Variants in CCDC149 observed in about 807,000 individuals in gnomAD.
The protein encoded by CCDC149 is coiled-coil domain containing 149, also known as coiled-coil domain-containing protein 149.
Under a neutral mutation model 59.9 loss-of-function variants are expected in CCDC149, and 45 were observed. The ratio of observed to expected loss-of-function variants is 0.75; its 90% CI spans 0.59 to 0.96. The LOEUF is 0.96. Among genes scored for constraint, CCDC149 ranks in the 40% least tolerant of loss-of-function variants. CCDC149 has a pLI of 0.00. For missense variants in CCDC149, 584 were observed against 664.7 expected, an observed-to-expected ratio of 0.88 and a Z score of 1.33; for synonymous variants, 245 against 260.6, an observed-to-expected ratio of 0.94 and a Z score of 0.58.
chr4:24,877,645 A>G (rs1012449587), intron 1 of CCDC149, among the ~76,000 whole-genome samples: 1 of 152,210 alleles, frequency 6.6e-6, no homozygotes, highest in Admixed American at 6.5e-5. Flanking sequence ...AACTTTTCCT[A>G]TGATTCAAAT....
chr4:24,886,807 C>T (rs60625858), intron 1 of CCDC149, among the ~76,000 whole-genome samples: 27,592 of 152,062 alleles, frequency 0.18, 2,616 homozygotes, highest in Non-Finnish European at 0.22. Context: ...GCCCTTGGTA[C>T]ACACCTACCA....
intron 1 of CCDC149, among the ~76,000 whole-genome samples, chr4:24,971,019 C>G (rs73250664): frequency 0.18 from 27,374 of 152,234 alleles, 3,314 homozygotes; most frequent in Non-Finnish European, 0.25. Context: ...ACTGAATGGC[C>G]TTTGACATAA....
At chr4:24,856,209 G>A (rs180761616) in intron 3 of CCDC149, among the ~76,000 whole-genome samples, 17 of 152,208 alleles carry the variant, frequency 1.1e-4, no homozygotes, top group Admixed American at 8.5e-4. Context: ...CTTTATTGTT[G>A]ATTATTTGTT....
intron 1 of CCDC149, among the ~76,000 whole-genome samples, chr4:24,956,896 A>G (rs1420095548): frequency 6.6e-6 from 1 of 152,222 alleles, no homozygotes; most frequent in African/African-American, 2.4e-5. Flanking sequence ...TTTAGCTTGA[A>G]TGGGGCCCAG....
chr4:24,928,253 A>T (rs948631664), intron 1 of CCDC149, among the ~76,000 whole-genome samples: 1 of 152,218 alleles, frequency 6.6e-6, no homozygotes, highest in Non-Finnish European at 1.5e-5. Flanking sequence ...GCAAAGCAAC[A>T]TGCTCGGTAT....
At chr4:24,937,853 A>G (rs747219364) in intron 1 of CCDC149, among the ~76,000 whole-genome samples, 1 of 152,174 alleles carries the variant, frequency 6.6e-6, no homozygotes, top group Non-Finnish European at 1.5e-5. Flanking sequence ...CTAGAACTGA[A>G]GAGGGAGGTT....
intron 1 of CCDC149, among the ~76,000 whole-genome samples, chr4:24,956,906 G>A (rs1723482760): frequency 6.6e-6 from 1 of 152,188 alleles, no homozygotes; most frequent in Non-Finnish European, 1.5e-5. Context: ...ATGGGGCCCA[G>A]AGCATGAAAG....
rs1471061115 is a variant in CCDC149 at position 24,853,158 on chromosome 4, T to C, written c.286A>G (p.Arg96Gly). 6 of 1,611,914 alleles carry C rather than the reference T, an allele frequency of 3.7e-6. No individual in the cohort carries two copies. The highest frequency in any genetic ancestry group is 1.7e-5 in the Admixed American group (1 of 60,004). The stretch of plus-strand genomic sequence containing the variant: ...TGTTTATTTCGGTCCTGAGAATCTC[T>C]CAATAGTTGTGCAAGATTAGCCTAG... Residue 96 changes from arginine to glycine, a missense_variant, in exon 4 of 13, where the codon AGA becomes GGA. Coordinates refer to ENST00000635206, the MANE Select transcript of CCDC149 (RefSeq NM_001330643.2).
In CCDC149 at chr4:24,943,207, T is replaced by C. The variant is rs547515249; in HGVS notation, c.-65+36862A>G. On this transcript the variant is annotated intron_variant, in intron 1 of 12. Transcript: ENST00000389609. Reference sequence around the variant, plus strand: ...ACTGGTACCAAGAGATAAAGACCGATGGAACAGAACAGAGCCCTCAGAAAT... The same window carrying C: ...ACTGGTACCAAGAGATAAAGACCGACGGAACAGAACAGAGCCCTCAGAAAT... Among the ~76,000 whole-genome samples the C allele has an allele frequency of 2.0e-5, 3 of 152,290 alleles. No homozygotes were observed. The South Asian group carries it at 6.2e-4, about 32-fold the overall frequency.
At chr4:24,898,211 C>T (rs1720953260) in intron 1 of CCDC149, among the ~76,000 whole-genome samples, 1 of 152,182 alleles carries the variant, frequency 6.6e-6, no homozygotes, top group Admixed American at 6.5e-5. Flanking sequence ...CATCGCCTCA[C>T]CTGGAGAGGG....
intron 1 of CCDC149, among the ~76,000 whole-genome samples, chr4:24,931,009 A>G (rs1385575136): frequency 1.3e-5 from 2 of 152,020 alleles, no homozygotes; most frequent in Admixed American, 1.3e-4. Flanking sequence ...CACATACTTA[A>G]TGGTTTCCTC....
intron 1 of CCDC149, among the ~76,000 whole-genome samples, chr4:24,947,168 G>T (rs920263999): frequency 6.6e-6 from 1 of 152,056 alleles, no homozygotes; most frequent in Non-Finnish European, 1.5e-5. Context: ...ATATGGTTTG[G>T]CTGTGTCCCC....
intron 1 of CCDC149, among the ~76,000 whole-genome samples, chr4:24,954,897 A>T (rs73804906): frequency 0.041 from 6,302 of 152,244 alleles, 413 homozygotes; most frequent in African/African-American, 0.14. Context: ...ATGCTTTTTA[A>T]TTATTTACAT....
chr4:24,948,098 A>G (rs986925489), intron 1 of CCDC149, among the ~76,000 whole-genome samples: 4 of 152,216 alleles, frequency 2.6e-5, no homozygotes, highest in African/African-American at 9.6e-5. Flanking sequence ...AGTGGCAGGC[A>G]GTGGGCTACG....
rs376914309 is a variant in CCDC149 at position 24,836,073 on chromosome 4, T to C, written c.735+363A>G. ...GGGTGATTACGACAGAAATAGCATC[T>C]GATGAGTGAACATGTTATAGAGAAA... On this transcript the variant is annotated intron_variant, in intron 7 of 12. Transcript: ENST00000635206. 2.0e-5 allele frequency among the ~76,000 whole-genome samples: 3 copies of C among 152,324 alleles called. No individual in the cohort carries two copies. The East Asian group carries it at 5.8e-4, about 29-fold the overall frequency.
chr4:24,813,501 T>TATATATATATATATATATATAC (rs1714785644), intron 12 of CCDC149, among the ~76,000 whole-genome samples: 1 of 42,078 alleles, frequency 2.4e-5, no homozygotes, highest in African/African-American at 6.9e-5. Flanking sequence ...TATATATATA[T>TATATATATATATATATATATAC]ATATATATAT....
At chr4:24,825,628 C>T (rs1284235281) in intron 9 of CCDC149, among the ~76,000 whole-genome samples, 4 of 151,890 alleles carry the variant, frequency 2.6e-5, no homozygotes, top group South Asian at 4.2e-4. Context: ...AAAAAATTAG[C>T]TGGGTGTGGT....
chr4:24,842,526 C>T (rs1716999487), intron 4 of CCDC149, among the ~76,000 whole-genome samples: 1 of 152,208 alleles, frequency 6.6e-6, no homozygotes, highest in Admixed American at 6.5e-5. Context: ...TGGATCAGTG[C>T]CTTGCACAGC....
At chr4:24,866,299 C>T (rs1337781924) in intron 3 of CCDC149, among the ~76,000 whole-genome samples, 2 of 152,054 alleles carry the variant, frequency 1.3e-5, no homozygotes, top group African/African-American at 2.4e-5. Context: ...CGTGGTACGT[C>T]TGCTTGAAAT....
Sources: allele counts gnomAD v4.1 joint callset (sites outside exome capture counted in the v4.1 genomes callset), GRCh38; gene constraint gnomAD v4.1.1; transcripts MANE v1.5; gene names NCBI Gene and HGNC (gene_info 2026-07-23, HGNC 2026-07-21).